TENM4: variants seen among roughly 807,000 people sequenced by gnomAD.
TENM4 encodes teneurin transmembrane protein 4.
TENM4 carries 82 observed loss-of-function variants against 243.3 expected under a neutral mutation model. The observed-to-expected ratio is 0.34, with a 90% CI of 0.28 to 0.40. TENM4 has a LOEUF of 0.40. TENM4 is among the 10% of genes least tolerant of loss of function. The probability of loss-of-function intolerance (pLI) is 1.00; values close to 1 mark genes in which losing one functional copy is unlikely to be tolerated. For missense variants in TENM4, 3,138 were observed against 3,673.3 expected, an observed-to-expected ratio of 0.85 and a Z score of 3.77; for synonymous variants, 1,412 against 1,456.3, an observed-to-expected ratio of 0.97 and a Z score of 0.69.
chr11:79,361,173 C>T (rs1857582323), intron 1 of TENM4, among the ~76,000 whole-genome samples: 1 of 152,190 alleles, frequency 6.6e-6, no homozygotes, highest in Non-Finnish European at 1.5e-5. Context: ...AGTGCCACCC[C>T]TCTGCAGAAA....
chr11:79,369,256 C>T (rs1857735357), intron 1 of TENM4, among the ~76,000 whole-genome samples: 1 of 152,150 alleles, frequency 6.6e-6, no homozygotes, highest in South Asian at 2.1e-4. Context: ...AGAGCCTGGG[C>T]AAGGGTTTGC....
intron 2 of TENM4, among the ~76,000 whole-genome samples, chr11:79,281,470 C>T (rs1856155902): frequency 6.6e-6 from 1 of 152,144 alleles, no homozygotes; most frequent in African/African-American, 2.4e-5. Flanking sequence ...TTTATCACGA[C>T]AACCCTAGGA....
intron 12 of TENM4, among the ~76,000 whole-genome samples, chr11:78,842,774 G>A (rs1392743591): frequency 6.6e-6 from 1 of 152,234 alleles, no homozygotes; most frequent in Non-Finnish European, 1.5e-5. Flanking sequence ...CACTAACTGG[G>A]TATTTAACTT....
At chr11:79,047,786 T>C (rs1441770064) in intron 6 of TENM4, among the ~76,000 whole-genome samples, 1 of 152,142 alleles carries the variant, frequency 6.6e-6, no homozygotes, top group African/African-American at 2.4e-5. Flanking sequence ...TTTGAGCCCC[T>C]ATTTCTGTAG....
At chr11:79,182,256 G>A (rs1459782820) in intron 3 of TENM4, among the ~76,000 whole-genome samples, 2 of 152,086 alleles carry the variant, frequency 1.3e-5, no homozygotes, top group African/African-American at 4.8e-5. Context: ...TACATCAACG[G>A]AACAGAATAG....
At chr11:79,024,131 C>T (rs2019214) in intron 6 of TENM4, among the ~76,000 whole-genome samples, 54,319 of 151,522 alleles carry the variant, frequency 0.36, 11,679 homozygotes, top group African/African-American at 0.61. Context: ...AGGACGAAGA[C>T]AATGAACGAC....
intron 4 of TENM4, among the ~76,000 whole-genome samples, chr11:79,117,362 G>A (rs1365340975): frequency 1.3e-5 from 2 of 152,268 alleles, no homozygotes; most frequent in Non-Finnish European, 2.9e-5. Context: ...CTATTTTCAA[G>A]CCTGATTTGA....
chr11:79,148,062 G>C (rs1031752184), intron 4 of TENM4, among the ~76,000 whole-genome samples: 2 of 152,094 alleles, frequency 1.3e-5, no homozygotes, highest in African/African-American at 2.4e-5. Flanking sequence ...AACTGGGGCT[G>C]AACCCAGGCC....
At chr11:79,151,652 C>T (rs1194682361) in intron 3 of TENM4, among the ~76,000 whole-genome samples, 1 of 152,004 alleles carries the variant, frequency 6.6e-6, no homozygotes, top group Non-Finnish European at 1.5e-5. Flanking sequence ...ATTTTAAAAT[C>T]ATATTTACAT....
At chr11:78,869,756 C>G (rs1261875585) in intron 9 of TENM4, among the ~76,000 whole-genome samples, 1 of 152,194 alleles carries the variant, frequency 6.6e-6, no homozygotes, top group Non-Finnish European at 1.5e-5. Context: ...AGCCCAGGTT[C>G]CCCTCCTGGC....
At chr11:79,131,161 A>G (rs113847274) in intron 4 of TENM4, among the ~76,000 whole-genome samples, 4,385 of 152,284 alleles carry the variant, frequency 0.029, 97 homozygotes, top group Admixed American at 0.062. Flanking sequence ...TGAGCCATCC[A>G]AATACAAGAA....
intron 4 of TENM4, among the ~76,000 whole-genome samples, chr11:79,135,828 A>G (rs1415414035): frequency 6.7e-6 from 1 of 148,988 alleles, no homozygotes; most frequent in Non-Finnish European, 1.5e-5. Flanking sequence ...CATCATATAT[A>G]TCATATATAT....
intron 1 of TENM4, among the ~76,000 whole-genome samples, chr11:79,392,599 C>T (rs1400709297): frequency 2.6e-5 from 4 of 152,204 alleles, no homozygotes. Context: ...GATTGGGCTG[C>T]CTGGGCCCTG....
intron 3 of TENM4, among the ~76,000 whole-genome samples, chr11:79,182,079 T>A (rs1342175497): frequency 6.6e-6 from 1 of 152,172 alleles, no homozygotes. Context: ...TATTTTGTGA[T>A]TGTTGACAAA....
rs1402039412 is a variant in TENM4, at chr11:78,771,099, G to A, written c.2432C>T (p.Thr811Ile). Residue 811 changes from threonine (T) to isoleucine (I), a missense_variant, in exon 18 of 34, where the codon ACC (threonine) becomes ATC (isoleucine). Around this residue, in one of 2 missense-constraint regions of TENM4, gnomAD observed 2,467 missense variants for 3,059.1 expected, o/e 0.81. Coordinates refer to ENST00000278550, the MANE Select transcript of TENM4 (RefSeq NM_001098816.3). ...GCAGTGCCAACCATTCAGGTCTAAG[G>A]TACATCTGCCGTTGCCATTGCACAA... is the stretch of plus-strand genomic sequence containing the variant. ...PGLCNGNGRC[T>I]LDLNGWHCVC... The A allele has an allele frequency of 6.4e-7, 1 of 1,573,610 alleles. No homozygotes were observed. The highest frequency in any genetic ancestry group is 1.2e-5 in the South Asian group (1 of 85,280).
At chr11:79,284,952 T>C (rs1565283247) in intron 2 of TENM4, among the ~76,000 whole-genome samples, 1 of 152,092 alleles carries the variant, frequency 6.6e-6, no homozygotes, top group East Asian at 1.9e-4. Flanking sequence ...AGATGGTGAA[T>C]ATTGGCCAGG....
chr11:78,985,738 A>T (rs903472979), intron 6 of TENM4, among the ~76,000 whole-genome samples: 4 of 149,802 alleles, frequency 2.7e-5, no homozygotes, highest in Non-Finnish European at 3.0e-5. Context: ...TTCTTTTTAA[A>T]TTTTTTTTTT....
chr11:78,811,083 T>C (rs1204168612), intron 14 of TENM4, among the ~76,000 whole-genome samples: 1 of 152,194 alleles, frequency 6.6e-6, no homozygotes, highest in African/African-American at 2.4e-5. Context: ...CTGAGCTAAG[T>C]GCTTTACATG....
chr11:78,740,084 T>A (rs1855886534), intron 19 of TENM4, among the ~76,000 whole-genome samples: 1 of 152,212 alleles, frequency 6.6e-6, no homozygotes, highest in Non-Finnish European at 1.5e-5. Context: ...GCGCACCACA[T>A]AACCTTCTCT....
Sources: allele counts gnomAD v4.1 joint callset (sites outside exome capture counted in the v4.1 genomes callset), GRCh38; gene constraint gnomAD v4.1.1; regional missense constraint gnomAD v4.1.1; transcripts MANE v1.5; gene names NCBI Gene and HGNC (gene_info 2026-07-23, HGNC 2026-07-21).